TSC22D1: variants seen among roughly 807,000 people sequenced by gnomAD.
TSC22D1 encodes the protein TSC22 domain family member 1.
In TSC22D1, 9 loss-of-function variants were observed where a neutral mutation model predicts 74.2. That is an observed-to-expected ratio of 0.12 (90% CI 0.07 to 0.21). TSC22D1 has a LOEUF of 0.21. Ranked by LOEUF, TSC22D1 falls within the 10% of genes least tolerant of loss-of-function variation. The pLI, the probability that TSC22D1 is intolerant of heterozygous loss-of-function variation, is 1.00. For synonymous variants in TSC22D1, 586 were observed against 492.5 expected, an observed-to-expected ratio of 1.19 and a Z score of -2.51; for missense variants, 1,427 against 1,304.7, an observed-to-expected ratio of 1.09 and a Z score of -1.44.
chr13:44,539,727 A>G (rs1595147665), intron 1 of TSC22D1: 2 of 1,229,508 alleles, frequency 1.6e-6, no homozygotes, highest in Non-Finnish European at 1.0e-6. Flanking sequence ...GGACACTCCA[A>G]TCTATAAATT....
chr13:44,518,146 CT>C (rs965212873), intron 1 of TSC22D1, among the ~76,000 whole-genome samples: 46 of 151,422 alleles, frequency 3.0e-4, no homozygotes, highest in African/African-American at 9.9e-4. Context: ...GCCACCACCC[CT>C]AGCCCCTTAT....
chr13:44,481,021 A>G (rs1041006373), intron 1 of TSC22D1, among the ~76,000 whole-genome samples: 3 of 152,208 alleles, frequency 2.0e-5, no homozygotes, highest in Non-Finnish European at 4.4e-5. Flanking sequence ...GAACCTAGGG[A>G]AACACCAACG....
At chr13:44,443,022 TG>T (rs953164678) in intron 1 of TSC22D1, among the ~76,000 whole-genome samples, 2 of 144,546 alleles carry the variant, frequency 1.4e-5, no homozygotes, top group Non-Finnish European at 3.0e-5. Flanking sequence ...GTGAAGTCCC[TG>T]AAAAAAAAAA....
intron 1 of TSC22D1, among the ~76,000 whole-genome samples, chr13:44,557,277 G>A (rs563446669): frequency 6.6e-6 from 1 of 151,746 alleles, no homozygotes; most frequent in South Asian, 2.1e-4. Context: ...CCTGGCCAAT[G>A]TGGTAAAACC....
intron 1 of TSC22D1, among the ~76,000 whole-genome samples, chr13:44,471,407 CT>C (rs549935353): frequency 6.6e-6 from 1 of 152,160 alleles, no homozygotes; most frequent in Admixed American, 6.6e-5. Flanking sequence ...TTGATAAACT[CT>C]TACCATCACA....
intron 1 of TSC22D1, among the ~76,000 whole-genome samples, chr13:44,550,635 C>T (rs78792785): frequency 0.023 from 3,424 of 151,466 alleles, 117 homozygotes; most frequent in African/African-American, 0.073. Context: ...AGTGTACATT[C>T]CCTTCAGTTT....
chr13:44,527,746 A>T (rs1880618041), intron 1 of TSC22D1, among the ~76,000 whole-genome samples: 1 of 152,108 alleles, frequency 6.6e-6, no homozygotes, highest in African/African-American at 2.4e-5. Context: ...AAACACAGAG[A>T]CTTTCAAAGT....
chr13:44,576,197 C>G lies in TSC22D1; in HGVS notation c.-123G>C. On this transcript the variant is annotated 5_prime_UTR_variant, in exon 1 of 3. Coordinates refer to ENST00000458659, the MANE Select transcript of TSC22D1 (RefSeq NM_183422.4). Reference sequence around the variant, plus strand: ...GCTCCGCCTGGCGCGATTCCTCCTTCTCCTCCTCCTCAGCCAAAGGCGCCG... The same window carrying G: ...GCTCCGCCTGGCGCGATTCCTCCTTGTCCTCCTCCTCAGCCAAAGGCGCCG... 1.5e-6 allele frequency: 2 copies of G among 1,326,280 alleles called. No homozygotes were observed. The highest frequency in any genetic ancestry group is 9.9e-7 in the Non-Finnish European group (1 of 1,005,046). The allele number at this position is 1,326,280 out of a possible 1,614,324, so 82.2% of individuals were successfully genotyped here. A position where few individuals can be genotyped will look rare whatever the true frequency, so the allele number is the denominator to read the frequency against.
rs1408655184 is a variant in TSC22D1 at position 44,453,133 on chromosome 13, T to A, written c.2913-17038A>T. Reference sequence around the variant, plus strand: ...TGCATGTAAAGTTATCTCAGCAAACTAGTTTGCCTCTAAGATACCAGTGTC... The same window carrying A: ...TGCATGTAAAGTTATCTCAGCAAACAAGTTTGCCTCTAAGATACCAGTGTC... On this transcript the variant is annotated intron_variant, in intron 1 of 2. Coordinates refer to ENST00000458659, the MANE Select transcript of TSC22D1 (RefSeq NM_183422.4). Among the ~76,000 whole-genome samples the A allele has an allele frequency of 2.0e-5, 3 of 152,346 alleles. No homozygotes were observed. In the East Asian group the frequency reaches 5.8e-4, roughly 29 times the overall value.
intron 1 of TSC22D1, chr13:44,437,428 A>G (rs1271378416): frequency 2.8e-5 from 6 of 215,038 alleles, no homozygotes; most frequent in Non-Finnish European, 4.8e-5. Context: ...TAGAGGAAAA[A>G]AAATCACATT....
At position 44,574,687 on chromosome 13, in the gene TSC22D1, T is replaced by C. The variant is rs764788073; in HGVS notation, c.1388A>G (p.Glu463Gly). The C allele has an allele frequency of 6.2e-7, 1 of 1,614,166 alleles. No homozygotes were observed. The highest frequency in any genetic ancestry group is 2.2e-5 in the East Asian group (1 of 44,880). Residue 463 changes from glutamate to glycine, a missense_variant, in exon 1 of 3, where the codon GAG becomes GGG. By Grantham distance (98) the Glu-to-Gly change is moderately conservative. Coordinates refer to ENST00000458659, the MANE Select transcript of TSC22D1 (RefSeq NM_183422.4). ...GCTCACTGAACTCCCACTAGTGCTC[T>C]CCCTTTCAGAAGTCACTTCTATCGG... ...QNPIEVTSER[E>G]STSGSSVSSS...
intron 1 of TSC22D1, among the ~76,000 whole-genome samples, chr13:44,490,521 A>T (rs1047859432): frequency 6.6e-6 from 1 of 152,170 alleles, no homozygotes; most frequent in Admixed American, 6.5e-5. Flanking sequence ...AAAAAAATCA[A>T]TATTTTAGAA....
intron 1 of TSC22D1, among the ~76,000 whole-genome samples, chr13:44,499,040 A>C (rs923175472): frequency 6.6e-6 from 1 of 152,204 alleles, no homozygotes; most frequent in African/African-American, 2.4e-5. Flanking sequence ...ATTTTTAAAA[A>C]CCTTAAATAC....
chr13:44,506,674 C>G (rs1453096455), intron 1 of TSC22D1, among the ~76,000 whole-genome samples: 1 of 152,104 alleles, frequency 6.6e-6, no homozygotes, highest in African/African-American at 2.4e-5. Context: ...AAGAAGATAG[C>G]TAGAAGGGAA....
At chr13:44,525,676 C>T (rs1262545818) in intron 1 of TSC22D1, among the ~76,000 whole-genome samples, 1 of 151,946 alleles carries the variant, frequency 6.6e-6, no homozygotes, top group Non-Finnish European at 1.5e-5. Context: ...AAATTCTAGC[C>T]TCTGACATCA....
chr13:44,433,087 A>G lies in TSC22D1; in HGVS notation c.*1539T>C, dbSNP rs1267428007. ...CAACCCAGGGTGACAGGGTTCTTAA[A>G]GTGGAAATCAGCTTCTCCAACTTCC... On this transcript the variant is annotated 3_prime_UTR_variant, in exon 3 of 3. Coordinates refer to ENST00000458659, the MANE Select transcript of TSC22D1 (RefSeq NM_183422.4). The G allele has an allele frequency of 6.6e-6, 1 of 152,242 alleles. No homozygotes were observed. Among genetic ancestry groups the G allele is most frequent in the Non-Finnish European group, 1.5e-5 (1 of 68,048 alleles). The allele number at this position is 152,242 out of a possible 1,614,324, so 9.4% of individuals were successfully genotyped here.
chr13:44,544,087 C>T (rs552556287), intron 1 of TSC22D1, among the ~76,000 whole-genome samples: 4 of 152,036 alleles, frequency 2.6e-5, no homozygotes, highest in South Asian at 2.1e-4. Context: ...AGCAAGACTC[C>T]GTCTCAAAAA....
chr13:44,525,727 T>C (rs1456025095), intron 1 of TSC22D1, among the ~76,000 whole-genome samples: 1 of 148,442 alleles, frequency 6.7e-6, no homozygotes, highest in African/African-American at 2.5e-5. Flanking sequence ...CAGATAAACA[T>C]GAAACTTCAT....
rs1027564227 is a variant in TSC22D1, at chr13:44,538,178, C to G, written c.2912+34985G>C. The G allele has an allele frequency of 2.1e-5, 21 of 985,216 alleles. No individual in the cohort carries two copies. The African/African-American group carries it at 3.5e-4, about 16-fold the overall frequency. The allele number at this position is 985,216 out of a possible 1,614,324, so 61.0% of individuals were successfully genotyped here. ...ACAGTACCAAACTTTAGAATGCCTT[C>G]AGTATGAAAAAAATACCTCAAGTTT... On this transcript the variant is annotated intron_variant, in intron 1 of 2. Transcript: ENST00000458659.
Sources: allele counts gnomAD v4.1 joint callset (sites outside exome capture counted in the v4.1 genomes callset), GRCh38; gene constraint gnomAD v4.1.1; transcripts MANE v1.5; gene names NCBI Gene and HGNC (gene_info 2026-07-23, HGNC 2026-07-21).